SEC11A: variants seen among roughly 807,000 people sequenced by gnomAD.
The protein encoded by SEC11A is signal peptidase complex catalytic subunit SEC11A.
Under a neutral mutation model 25.6 loss-of-function variants are expected in SEC11A, and 14 were observed. The ratio of observed to expected loss-of-function variants is 0.55; its 90% CI spans 0.36 to 0.85. SEC11A has a LOEUF of 0.85. Among genes scored for constraint, SEC11A ranks in the 40% least tolerant of loss-of-function variants. The pLI, the probability that SEC11A is intolerant of heterozygous loss-of-function variation, is 0.01. For missense variants in SEC11A, 153 were observed against 222.9 expected (o/e 0.69, Z 2.00); for synonymous variants, 83 against 76.4 (o/e 1.09, Z -0.45).
intron 3 of SEC11A, 50 bp from the exon 4 acceptor site, chr15:84,680,882 A>C: frequency 6.5e-7 from 1 of 1,530,848 alleles, no homozygotes. Flanking sequence ...CATGGCATTT[A>C]AAGCACAAAA....
intron 1 of SEC11A, among the ~76,000 whole-genome samples, chr15:84,699,202 C>G (rs112337282): frequency 6.6e-6 from 1 of 151,484 alleles, no homozygotes; most frequent in African/African-American, 2.4e-5. Flanking sequence ...GTGGTCCCAG[C>G]TGCTCGGGAG....
chr15:84,703,786 T>C (rs921326955), intron 1 of SEC11A, among the ~76,000 whole-genome samples: 1 of 152,216 alleles, frequency 6.6e-6, no homozygotes, highest in East Asian at 1.9e-4. Flanking sequence ...GGAAGAGATA[T>C]GTGGATGGAG....
chr15:84,699,176 G>A (rs543470234), intron 1 of SEC11A, among the ~76,000 whole-genome samples: 98 of 152,066 alleles, frequency 6.4e-4, no homozygotes, highest in South Asian at 3.7e-3. Flanking sequence ...TTAGCCAGGC[G>A]TGGTGGCACG....
intron 1 of SEC11A, among the ~76,000 whole-genome samples, chr15:84,711,118 CCTAT>C (rs1350783501): frequency 6.6e-6 from 1 of 151,764 alleles, no homozygotes; most frequent in Non-Finnish European, 1.5e-5. Flanking sequence ...GTGACTCACA[CCTAT>C]ATTCAATCCC....
chr15:84,691,627 T>C lies in SEC11A; in HGVS notation c.69A>G (p.Leu23=), dbSNP rs369852123. 6.2e-7 allele frequency: 1 copy of C among 1,606,694 alleles called. No homozygotes were observed. Among genetic ancestry groups the C allele is most frequent in the Non-Finnish European group, 8.5e-7 (1 of 1,173,520 alleles). The part of the protein sequence containing the change: ...MNKRQLYYQV[L]NFGMIVSSAL... The stretch of plus-strand genomic sequence containing the variant: ...CCGATGAGACAATCATTCCAAAATT[T>C]AGGACTTGATAATAGAGCTGCAAGA... The change falls in exon 2 of 6, where the codon CTA becomes CTG. Residue 23 remains leucine (L), a synonymous_variant. Transcript: ENST00000268220.
At chr15:84,713,783 T>C (rs1474239787) in intron 1 of SEC11A, among the ~76,000 whole-genome samples, 1 of 152,200 alleles carries the variant, frequency 6.6e-6, no homozygotes, top group East Asian at 1.9e-4. Flanking sequence ...GCTGAGTGAA[T>C]TCCTTCCCTT....
chr15:84,682,075 T>C (rs902739789), intron 3 of SEC11A, among the ~76,000 whole-genome samples: 9 of 151,810 alleles, frequency 5.9e-5, no homozygotes, highest in African/African-American at 1.7e-4. Context: ...CAAATAATAA[T>C]AACAGGAAGG....
chr15:84,707,922 T>TA (rs1898144602), intron 1 of SEC11A, among the ~76,000 whole-genome samples: 1 of 152,040 alleles, frequency 6.6e-6, no homozygotes, highest in African/African-American at 2.4e-5. Flanking sequence ...CAAAAGAATA[T>TA]ACCAGCCGGG....
chr15:84,689,595 TGTTTC>T (rs1367868065), intron 2 of SEC11A, among the ~76,000 whole-genome samples: 3 of 143,318 alleles, frequency 2.1e-5, no homozygotes, highest in African/African-American at 7.9e-5. Context: ...AAAACTGTAA[TGTTTC>T]TTTTCTTTCT....
chr15:84,681,398 G>A (rs1328686067), intron 3 of SEC11A, among the ~76,000 whole-genome samples: 2 of 152,214 alleles, frequency 1.3e-5, no homozygotes, highest in African/African-American at 4.8e-5. Context: ...GGGAGGCCAA[G>A]GTGGGCGGAT....
At chr15:84,670,820 G>A (rs766767527) in intron 4 of SEC11A, 38 bp from the exon 5 acceptor site, 7 of 1,004,298 alleles carry the variant, frequency 7.0e-6, no homozygotes, top group Admixed American at 2.8e-5. Context: ...CAGAATTTCC[G>A]ATGTAAAGCA....
intron 1 of SEC11A, among the ~76,000 whole-genome samples, chr15:84,709,428 T>C (rs937179641): frequency 2.0e-5 from 3 of 152,056 alleles, no homozygotes; most frequent in African/African-American, 7.2e-5. Context: ...TCTGTTTGTA[T>C]TTGTTTTTGT....
intron 3 of SEC11A, among the ~76,000 whole-genome samples, chr15:84,684,903 C>T (rs1344796728): frequency 6.6e-6 from 1 of 152,118 alleles, no homozygotes; most frequent in East Asian, 1.9e-4. Flanking sequence ...TGAACTCCAG[C>T]CTGGGCGAAA....
chr15:84,670,615 A>G (rs566941013), intron 5 of SEC11A, 110 bp downstream of exon 5: 1 of 568,772 alleles, frequency 1.8e-6, no homozygotes, highest in South Asian at 2.2e-5. Context: ...CCTGGGCTCA[A>G]GCGATCCACT....
intron 1 of SEC11A, among the ~76,000 whole-genome samples, chr15:84,702,694 A>G (rs1897983624): frequency 6.6e-6 from 1 of 152,160 alleles, no homozygotes; most frequent in Non-Finnish European, 1.5e-5. Flanking sequence ...AACTACCAAA[A>G]TTCACTCAAG....
At chr15:84,670,685 G>T in intron 5 of SEC11A, 40 bp downstream of exon 5, 1 of 1,059,234 alleles carries the variant, frequency 9.4e-7, no homozygotes, top group Non-Finnish European at 1.4e-6. Context: ...TGGCCCAAAA[G>T]ATTACATTTT....
Position 84,701,992 on chromosome 15 carries a change from G to A in SEC11A, c.52-10348C>T, listed in dbSNP as rs185517246. 5.3e-3 allele frequency among the ~76,000 whole-genome samples: 802 copies of A among 150,372 alleles called. 9 individuals carry two copies. Among genetic ancestry groups the A allele is most frequent in the African/African-American group, 0.018 (756 of 40,920 alleles). On this transcript the variant is annotated intron_variant, in intron 1 of 5. Coordinates refer to ENST00000268220, the MANE Select transcript of SEC11A (RefSeq NM_014300.4). ...TGAGGCAGGAGAATTGCTTGAACCC[G>A]GGAGGCGGAGGTGGCAGTGAACCGA...
At chr15:84,714,984 T>C (rs1325248414) in intron 1 of SEC11A, 2 of 151,974 alleles carry the variant, frequency 1.3e-5, no homozygotes, top group Non-Finnish European at 2.9e-5. Context: ...CAAGTAAAAA[T>C]TTGAAGTGTT....
At chr15:84,709,599 C>T (rs1166258610) in intron 1 of SEC11A, among the ~76,000 whole-genome samples, 1 of 151,990 alleles carries the variant, frequency 6.6e-6, no homozygotes, top group African/African-American at 2.4e-5. Flanking sequence ...CACACCACCA[C>T]ACCCCACTAA....
Sources: gnomAD v4.1 joint callset for allele counts (sites outside exome capture counted in the v4.1 genomes callset) on GRCh38, gnomAD v4.1.1 for gene constraint, MANE v1.5 for transcripts, NCBI Gene and HGNC (gene_info 2026-07-23, HGNC 2026-07-21) for gene names.